Variants in RALYL observed in about 807,000 individuals in gnomAD.
RALYL encodes the protein RALY RNA binding protein like.
A neutral mutation model predicts 35.1 loss-of-function variants in RALYL; 29 were observed. The ratio of observed to expected loss-of-function variants is 0.83; its 90% CI spans 0.61 to 1.13. The LOEUF is 1.13. Ranked by LOEUF, RALYL falls within the 50% of genes most tolerant of loss-of-function variation. RALYL has a pLI of 0.00. For synonymous variants in RALYL, 120 were observed against 127.6 expected (o/e 0.94, Z 0.40); for missense variants, 359 against 360.4 (o/e 1.00, Z 0.03).
chr8:84,262,615 A>G (rs1413722293), intron 1 of RALYL, among the ~76,000 whole-genome samples: 1 of 152,154 alleles, frequency 6.6e-6, no homozygotes, highest in African/African-American at 2.4e-5. Context: ...AATTACTTTT[A>G]TAGACTTTTG....
intron 2 of RALYL, among the ~76,000 whole-genome samples, chr8:84,642,459 G>A (rs1462210430): frequency 6.6e-6 from 1 of 151,802 alleles, no homozygotes; most frequent in Admixed American, 6.6e-5. Context: ...TAAGTAATGA[G>A]TCTTAGCACC....
chr8:84,837,125 T>G (rs1208023902), intron 4 of RALYL, among the ~76,000 whole-genome samples: 1 of 152,132 alleles, frequency 6.6e-6, no homozygotes, highest in Admixed American at 6.5e-5. Context: ...CCTTATAAGC[T>G]CTCATAGAAG....
At chr8:84,452,233 C>CT (rs35835472) in intron 1 of RALYL, among the ~76,000 whole-genome samples, 52,696 of 144,114 alleles carry the variant, frequency 0.37, 9,476 homozygotes, top group South Asian at 0.52. Flanking sequence ...GTTGATACTA[C>CT]TTTTTTTTTT....
Position 84,184,036 on chromosome 8 carries a change from C to T in RALYL, c.-412C>T, listed in dbSNP as rs1045146466. 5 of 152,242 alleles carry T rather than the reference C, an allele frequency of 3.3e-5. No individual in the cohort carries two copies. Among genetic ancestry groups the T allele is most frequent in the South Asian group, 4.1e-4 (2 of 4,828 alleles). The allele number at this position is 152,242 out of a possible 1,614,324, so 9.4% of individuals were successfully genotyped here. On this transcript the variant is annotated 5_prime_UTR_variant, in exon 1 of 9. Coordinates refer to ENST00000521268, the MANE Select transcript of RALYL (RefSeq NM_173848.7). ...ACTGGTGCAAACCACTGAGCAAAGA[C>T]ATTAATTTTATATTTTTTGTGCCCT...
chr8:84,385,916 A>G (rs1859094235), intron 1 of RALYL, among the ~76,000 whole-genome samples: 1 of 151,912 alleles, frequency 6.6e-6, no homozygotes, highest in South Asian at 2.1e-4. Context: ...TTTAGGACCA[A>G]GTAGCCACTC....
At chr8:84,554,204 T>G (rs955338925) in intron 2 of RALYL, among the ~76,000 whole-genome samples, 5 of 152,200 alleles carry the variant, frequency 3.3e-5, no homozygotes, top group African/African-American at 1.2e-4. Context: ...GGCAACAATG[T>G]TCTATCATTA....
intron 2 of RALYL, among the ~76,000 whole-genome samples, chr8:84,746,609 G>A (rs116407309): frequency 2.3e-4 from 35 of 151,918 alleles, no homozygotes; most frequent in African/African-American, 4.6e-4. Flanking sequence ...ATATTTTCTC[G>A]TAACTTGTGA....
chr8:84,212,618 T>C (rs1315603764), intron 1 of RALYL, among the ~76,000 whole-genome samples: 2 of 152,276 alleles, frequency 1.3e-5, no homozygotes, highest in Non-Finnish European at 2.9e-5. Flanking sequence ...TTGATAGGAA[T>C]ATCTGGAGCT....
chr8:84,904,202 T>C (rs1846125234), intron 8 of RALYL, among the ~76,000 whole-genome samples: 1 of 152,174 alleles, frequency 6.6e-6, no homozygotes, highest in East Asian at 1.9e-4. Flanking sequence ...TACGCCTCAT[T>C]GTTATTTAAA....
In RALYL at chr8:84,254,432, C is replaced by T. The variant is rs571424033; in HGVS notation, c.-24+70008C>T. On this transcript the variant is annotated intron_variant, in intron 1 of 8. Transcript: ENST00000521268. ...GATGAAATTTTGTCTCCTTGGCTAG[C>T]TGTTCTATAAAAGTCTGTGGGATCT... 7.9e-5 allele frequency among the ~76,000 whole-genome samples: 12 copies of T among 152,156 alleles called. No individual in the cohort carries two copies. In the East Asian group the frequency reaches 2.3e-3, roughly 30 times the overall value.
At chr8:84,427,082 T>A (rs1289493927) in intron 1 of RALYL, among the ~76,000 whole-genome samples, 1 of 152,202 alleles carries the variant, frequency 6.6e-6, no homozygotes, top group Non-Finnish European at 1.5e-5. Flanking sequence ...GGTACATATA[T>A]ATAATTTTAC....
intron 1 of RALYL, among the ~76,000 whole-genome samples, chr8:84,370,760 G>T (rs763227564): frequency 6.6e-6 from 1 of 151,984 alleles, no homozygotes; most frequent in African/African-American, 2.4e-5. Context: ...GTGCAAGTTT[G>T]TAGAAGCCTG....
intron 1 of RALYL, among the ~76,000 whole-genome samples, chr8:84,514,778 G>A (rs779123505): frequency 1.3e-5 from 2 of 152,150 alleles, no homozygotes; most frequent in Non-Finnish European, 2.9e-5. Flanking sequence ...ATTGTGAGTA[G>A]ACTTTGTGTT....
In RALYL at chr8:84,594,564, T is replaced by C. The variant is rs576569680; in HGVS notation, c.256+64987T>C. Among the ~76,000 whole-genome samples, 4 of 152,076 alleles carry C rather than the reference T, an allele frequency of 2.6e-5. No individual in the cohort carries two copies. In the South Asian group the frequency reaches 8.3e-4, roughly 32 times the overall value. The stretch of plus-strand genomic sequence containing the variant: ...AGCAGAGAGCTAAAGCATTTTACTT[T>C]GCCTTAAAAAATGCACCAATTATCA... On this transcript the variant is annotated intron_variant, in intron 2 of 8. Transcript: ENST00000521268.
intron 1 of RALYL, among the ~76,000 whole-genome samples, chr8:84,388,605 T>A (rs1311260968): frequency 8.3e-6 from 1 of 120,808 alleles, no homozygotes; most frequent in African/African-American, 2.6e-5. Flanking sequence ...TGGTGAGCAT[T>A]TTTTCATGTG....
chr8:84,862,535 T>C, intron 6 of RALYL, 82 bp downstream of exon 6: 1 of 1,121,606 alleles, frequency 8.9e-7, no homozygotes, highest in South Asian at 2.0e-5. Context: ...ATTCAATAAA[T>C]TAACCAGATA....
intron 1 of RALYL, among the ~76,000 whole-genome samples, chr8:84,373,400 A>G (rs967391934): frequency 2.6e-5 from 4 of 151,886 alleles, no homozygotes; most frequent in African/African-American, 9.7e-5. Flanking sequence ...TTTGTTTATG[A>G]TATATGGAAG....
chr8:84,530,021 A>G (rs2059173789), intron 2 of RALYL, among the ~76,000 whole-genome samples: 1 of 152,152 alleles, frequency 6.6e-6, no homozygotes, highest in Admixed American at 6.6e-5. Flanking sequence ...AAGAAAGTAA[A>G]TTTTTAGAAT....
chr8:84,263,920 C>T (rs1832783873), intron 1 of RALYL, among the ~76,000 whole-genome samples: 2 of 152,134 alleles, frequency 1.3e-5, no homozygotes, highest in Non-Finnish European at 2.9e-5. Context: ...CAGCTTCATC[C>T]ATGTCCCTGC....
Sources: gnomAD v4.1 joint callset for allele counts (sites outside exome capture counted in the v4.1 genomes callset) on GRCh38, gnomAD v4.1.1 for gene constraint, MANE v1.5 for transcripts, NCBI Gene and HGNC (gene_info 2026-07-23, HGNC 2026-07-21) for gene names.